Variants in PTPRN2 observed in about 807,000 individuals in gnomAD.
PTPRN2 encodes protein tyrosine phosphatase receptor type N2.
PTPRN2 carries 74 observed loss-of-function variants against 118.8 expected under a neutral mutation model. That is an observed-to-expected ratio of 0.62 (90% CI 0.52 to 0.76). The LOEUF is 0.76. Ranked by LOEUF, PTPRN2 falls within the 30% of genes least tolerant of loss-of-function variation. The pLI is 0.00. For synonymous variants in PTPRN2, 641 were observed against 608.0 expected, an observed-to-expected ratio of 1.05 and a Z score of -0.80; for missense variants, 1,481 against 1,394.4, an observed-to-expected ratio of 1.06 and a Z score of -0.99.
intron 14 of PTPRN2, among the ~76,000 whole-genome samples, chr7:157,645,691 T>A (rs1350683805): frequency 1.3e-5 from 2 of 152,100 alleles, no homozygotes; most frequent in African/African-American, 4.8e-5. Flanking sequence ...CGGCGTCATG[T>A]GAGGAGCTGC....
intron 3 of PTPRN2, among the ~76,000 whole-genome samples, chr7:158,210,376 C>T (rs1486062557): frequency 6.6e-6 from 1 of 151,814 alleles, no homozygotes; most frequent in Non-Finnish European, 1.5e-5. Context: ...ACCTCGTGAT[C>T]CGCCCGCCTC....
intron 12 of PTPRN2, among the ~76,000 whole-genome samples, chr7:157,697,210 C>T (rs2464834): frequency 0.028 from 2,157 of 77,682 alleles, 47 homozygotes; most frequent in East Asian, 0.18. Context: ...ACCATCTACC[C>T]ATGCATACTG....
At chr7:157,931,990 A>G (rs1799386924) in intron 11 of PTPRN2, among the ~76,000 whole-genome samples, 1 of 152,232 alleles carries the variant, frequency 6.6e-6, no homozygotes, top group African/African-American at 2.4e-5. Flanking sequence ...TTGTAAGACT[A>G]TCATACAAGA....
intron 5 of PTPRN2, among the ~76,000 whole-genome samples, chr7:158,185,129 GAATTT>G (rs536087817): frequency 2.0e-5 from 3 of 152,052 alleles, no homozygotes; most frequent in Non-Finnish European, 4.4e-5. Context: ...ATATATTGTT[GAATTT>G]AATTTGATAA....
At chr7:158,472,694 C>A (rs1050612887) in intron 2 of PTPRN2, among the ~76,000 whole-genome samples, 1 of 152,174 alleles carries the variant, frequency 6.6e-6, no homozygotes, top group Admixed American at 6.5e-5. Flanking sequence ...ACACAGACCC[C>A]ACCTCTATGG....
intron 2 of PTPRN2, among the ~76,000 whole-genome samples, chr7:158,434,046 A>G (rs1816407916): frequency 6.6e-6 from 1 of 152,036 alleles, no homozygotes; most frequent in South Asian, 2.1e-4. Flanking sequence ...CCAAAGAAAT[A>G]CTCCGAATGA....
At chr7:158,299,002 G>A (rs940582344) in intron 3 of PTPRN2, among the ~76,000 whole-genome samples, 13 of 152,276 alleles carry the variant, frequency 8.5e-5, no homozygotes, top group Middle Eastern at 3.4e-3. Context: ...AGGAAGGAGG[G>A]TGCAGCTCAG....
chr7:157,734,257 T>C lies in PTPRN2; in HGVS notation c.1789-51320A>G, dbSNP rs1800165028. ...CCCATGCTCCCAGCACACTCTTCCG[T>C]CCCATGTGCCCAGTGCAGTCTTCCG... On this transcript the variant is annotated intron_variant, in intron 12 of 22. Coordinates refer to ENST00000389418, the MANE Select transcript of PTPRN2 (RefSeq NM_002847.5). Among the ~76,000 whole-genome samples the C allele has an allele frequency of 3.0e-4, 22 of 72,546 alleles. 3 individuals are homozygous for C. The highest frequency in any genetic ancestry group is 4.2e-4 in the Non-Finnish European group (12 of 28,280). The allele number at this position is 72,546 out of a possible 152,430, so 47.6% of individuals were successfully genotyped here. A position where few individuals can be genotyped will look rare whatever the true frequency, so the allele number is the denominator to read the frequency against.
intron 2 of PTPRN2, among the ~76,000 whole-genome samples, chr7:158,443,915 G>A (rs934649505): frequency 3.3e-5 from 5 of 152,116 alleles, no homozygotes; most frequent in Non-Finnish European, 5.9e-5. Context: ...ACCCTACCCC[G>A]AGTCCTGGGT....
At chr7:158,461,086 A>G (rs1252800928) in intron 2 of PTPRN2, among the ~76,000 whole-genome samples, 1 of 152,244 alleles carries the variant, frequency 6.6e-6, no homozygotes, top group East Asian at 1.9e-4. Flanking sequence ...TCTGCCCGAC[A>G]GTCATGTGGC....
chr7:158,454,822 AC>A (rs1380748841), intron 2 of PTPRN2, among the ~76,000 whole-genome samples: 1 of 152,142 alleles, frequency 6.6e-6, no homozygotes, highest in Non-Finnish European at 1.5e-5. Flanking sequence ...CACTCTGTTG[AC>A]CTCGAACATC....
At chr7:158,209,117 A>AAG (rs1437086476) in intron 3 of PTPRN2, among the ~76,000 whole-genome samples, 1 of 152,024 alleles carries the variant, frequency 6.6e-6, no homozygotes, top group African/African-American at 2.4e-5. Context: ...TTCACTTAAA[A>AAG]AAAAAAGTAA....
intron 17 of PTPRN2, among the ~76,000 whole-genome samples, chr7:157,594,840 T>C (rs920558964): frequency 6.6e-6 from 1 of 152,234 alleles, no homozygotes; most frequent in Non-Finnish European, 1.5e-5. Flanking sequence ...GGCCTTCAGA[T>C]GCCCTACAGG....
At chr7:157,810,992 CG>C (rs1355376148) in intron 12 of PTPRN2, among the ~76,000 whole-genome samples, 1 of 151,978 alleles carries the variant, frequency 6.6e-6, no homozygotes, top group Non-Finnish European at 1.5e-5. Flanking sequence ...ATTTTTGGGG[CG>C]GGGCGCTGTG....
At chr7:157,744,282 CA>C (rs1209902566) in intron 12 of PTPRN2, among the ~76,000 whole-genome samples, 1 of 152,158 alleles carries the variant, frequency 6.6e-6, no homozygotes, top group East Asian at 1.9e-4. Flanking sequence ...GTGAACACAG[CA>C]GCTCTCCCAG....
At chr7:158,554,033 TG>T (rs1467607361) in intron 1 of PTPRN2, among the ~76,000 whole-genome samples, 2 of 147,484 alleles carry the variant, frequency 1.4e-5, no homozygotes, top group Admixed American at 1.3e-4. Context: ...GAGTCTACAT[TG>T]CCTTCCCTGT....
rs569384303 is a variant in PTPRN2, at chr7:157,621,019, C to T, written c.2344+343G>A. 1.4e-4 allele frequency among the ~76,000 whole-genome samples: 21 copies of T among 150,040 alleles called. No homozygotes were observed. The East Asian group carries it at 4.1e-3, about 29-fold the overall frequency. The stretch of plus-strand genomic sequence containing the variant: ...CCGCCTGTAACCCAGGCCTCCTGCC[C>T]CCGGGACTGGTATGTACAGGTCAGC... On this transcript the variant is annotated intron_variant, in intron 15 of 22. Coordinates refer to ENST00000389418, the MANE Select transcript of PTPRN2 (RefSeq NM_002847.5).
rs927176723 is a variant in PTPRN2, at chr7:157,560,218, T to TGACCCCTTGAAGGTGGGA, written c.2902+8666_2902+8683dup. Among the ~76,000 whole-genome samples the TGACCCCTTGAAGGTGGGA allele has an allele frequency of 8.5e-5, 13 of 152,126 alleles. No homozygotes were observed. The highest frequency in any genetic ancestry group is 3.2e-3 in the Middle Eastern group (1 of 316). ...GAACCCTGGCTCAGCAGGGTCAGCC[T>TGACCCCTTGAAGGTGGGA]GACCCCTTGAAGGTGGGAGACCCCT... On this transcript the variant is annotated intron_variant, in intron 21 of 22. Transcript: ENST00000389418. The surrounding 1 kb of genome is among the most constrained non-coding windows in gnomAD (Gnocchi z 6.7).
intron 11 of PTPRN2, among the ~76,000 whole-genome samples, chr7:158,055,349 C>T (rs35605864): frequency 1.8e-3 from 271 of 152,250 alleles, no homozygotes; most frequent in Non-Finnish European, 3.1e-3. Context: ...CGTTGCCAAG[C>T]GGACCGTGGT....
Sources: allele counts gnomAD v4.1 joint callset (sites outside exome capture counted in the v4.1 genomes callset), GRCh38; gene constraint gnomAD v4.1.1; non-coding constraint Gnocchi (gnomAD v3.1); transcripts MANE v1.5; gene names NCBI Gene and HGNC (gene_info 2026-07-23, HGNC 2026-07-21).